The following OXR1 variants were observed in gnomAD, a reference collection of about 807,000 sequenced individuals.
OXR1 encodes oxidation resistance protein 1.
Under a neutral mutation model 104.6 loss-of-function variants are expected in OXR1, and 41 were observed. That is an observed-to-expected ratio of 0.39 (90% CI 0.31 to 0.51). OXR1 has a LOEUF of 0.51. OXR1 is among the 20% of genes least tolerant of loss of function. The pLI is 0.77. For missense variants in OXR1, 955 were observed against 1,031.9 expected, an observed-to-expected ratio of 0.93 and a Z score of 1.02; for synonymous variants, 348 against 348.4, an observed-to-expected ratio of 1.00 and a Z score of 0.01.
intron 3 of OXR1, among the ~76,000 whole-genome samples, chr8:106,594,074 A>G (rs1182433009): frequency 2.0e-5 from 3 of 152,202 alleles, no homozygotes; most frequent in African/African-American, 7.2e-5. Context: ...CTATGATACC[A>G]TGGTTTAGAA....
At chr8:106,593,492 G>T (rs1176217542) in intron 3 of OXR1, among the ~76,000 whole-genome samples, 1 of 152,138 alleles carries the variant, frequency 6.6e-6, no homozygotes, top group Non-Finnish European at 1.5e-5. Context: ...AATTGATTCT[G>T]ATTTGGCCAG....
chr8:106,301,653 T>TACCTGTCTGATAAATACCTGTCTG (rs1361894817), intron 1 of OXR1, among the ~76,000 whole-genome samples: 3 of 152,202 alleles, frequency 2.0e-5, no homozygotes, highest in Non-Finnish European at 4.4e-5. Context: ...ATCTGATAAA[T>TACCTGTCTGATAAATACCTGTCTG]ATATAGTACC....
At chr8:106,320,192 T>C (rs530926689) in intron 1 of OXR1, among the ~76,000 whole-genome samples, 1 of 152,294 alleles carries the variant, frequency 6.6e-6, no homozygotes, top group South Asian at 2.1e-4. Context: ...AGCCCCTCAT[T>C]CTGAAGTGCC....
chr8:106,690,048 T>C (rs556429087), intron 6 of OXR1, among the ~76,000 whole-genome samples: 1 of 151,038 alleles, frequency 6.6e-6, no homozygotes, highest in Non-Finnish European at 1.5e-5. Flanking sequence ...GACACTAATA[T>C]CTATCATATA....
intron 3 of OXR1, among the ~76,000 whole-genome samples, chr8:106,654,669 C>T (rs1025598218): frequency 1.3e-5 from 2 of 152,098 alleles, no homozygotes; most frequent in Admixed American, 6.5e-5. Context: ...AGTTAATCTT[C>T]GAACTTTGGA....
rs552014446 is a variant in OXR1, at chr8:106,296,548, A to C, written c.-139+26181A>C. Among the ~76,000 whole-genome samples, 68 of 152,182 alleles carry C rather than the reference A, an allele frequency of 4.5e-4. 1 individual carries two copies. Among genetic ancestry groups the C allele is most frequent in the African/African-American group, 1.5e-3 (63 of 41,518 alleles). On this transcript the variant is annotated intron_variant, in intron 1 of 16. Transcript: ENST00000517566. ...TAAGTTCTTGCCTATCACCTTCCTC[A>C]TTTCTTAGCACCACCTATAAAACCA... is the stretch of plus-strand genomic sequence containing the variant.
intron 2 of OXR1, among the ~76,000 whole-genome samples, chr8:106,466,360 G>A (rs1483732601): frequency 6.6e-6 from 1 of 151,560 alleles, no homozygotes; most frequent in African/African-American, 2.4e-5. Flanking sequence ...TTTTTTGTGG[G>A]GAGAGTGTGG....
intron 1 of OXR1, among the ~76,000 whole-genome samples, chr8:106,342,355 A>C (rs191982933): frequency 6.6e-6 from 1 of 151,530 alleles, no homozygotes; most frequent in East Asian, 2.0e-4. Context: ...GGTTCAAGCA[A>C]TTATCCTGCC....
At chr8:106,682,926 T>C (rs1828322095) in intron 4 of OXR1, among the ~76,000 whole-genome samples, 1 of 152,146 alleles carries the variant, frequency 6.6e-6, no homozygotes, top group African/African-American at 2.4e-5. Context: ...ATAATCAGTT[T>C]TTGACTTTTA....
chr8:106,738,634 A>G (rs1834618295), intron 12 of OXR1, among the ~76,000 whole-genome samples: 1 of 151,044 alleles, frequency 6.6e-6, no homozygotes, highest in South Asian at 2.1e-4. Context: ...TGTTTTATAT[A>G]TTAAAATAAA....
intron 3 of OXR1, among the ~76,000 whole-genome samples, chr8:106,601,379 C>G (rs1819957627): frequency 6.6e-6 from 1 of 152,128 alleles, no homozygotes; most frequent in African/African-American, 2.4e-5. Context: ...AGTTTGGAAG[C>G]TGGAAAGCCC....
chr8:106,483,684 T>C (rs1822274292), intron 2 of OXR1, among the ~76,000 whole-genome samples: 1 of 152,104 alleles, frequency 6.6e-6, no homozygotes, highest in South Asian at 2.1e-4. Flanking sequence ...TCTTAATGTA[T>C]TAGTCTTATG....
chr8:106,457,385 G>T (rs1037014504), intron 2 of OXR1, among the ~76,000 whole-genome samples: 2 of 152,186 alleles, frequency 1.3e-5, no homozygotes, highest in East Asian at 3.9e-4. Context: ...CTAGTCTCCA[G>T]AACTTTGAGA....
At chr8:106,394,304 T>TA (rs571838717) in intron 2 of OXR1, among the ~76,000 whole-genome samples, 314 of 134,902 alleles carry the variant, frequency 2.3e-3, no homozygotes, top group Admixed American at 4.0e-3. Flanking sequence ...GTTAGAATGG[T>TA]AAAAAAAAAA....
intron 3 of OXR1, among the ~76,000 whole-genome samples, chr8:106,622,209 T>C (rs1821760200): frequency 6.6e-6 from 1 of 151,994 alleles, no homozygotes; most frequent in Non-Finnish European, 1.5e-5. Context: ...CCAGAATCTG[T>C]CCAGTCCTTA....
At chr8:106,669,358 T>G (rs1018572993) in intron 3 of OXR1, among the ~76,000 whole-genome samples, 1 of 152,172 alleles carries the variant, frequency 6.6e-6, no homozygotes. Flanking sequence ...CTTTCAAAAA[T>G]TCAACTGAAA....
At chr8:106,297,798 C>A (rs1256505308) in intron 1 of OXR1, among the ~76,000 whole-genome samples, 1 of 152,256 alleles carries the variant, frequency 6.6e-6, no homozygotes, top group Non-Finnish European at 1.5e-5. Context: ...TGTTTTCAAA[C>A]ATGCACAACT....
At chr8:106,548,503 T>C (rs969055694) in intron 3 of OXR1, among the ~76,000 whole-genome samples, 1 of 152,318 alleles carries the variant, frequency 6.6e-6, no homozygotes, top group Middle Eastern at 3.4e-3. Context: ...TATAAGGCTA[T>C]AGAGGCAACA....
chr8:106,490,120 T>A (rs1038658061), intron 2 of OXR1, among the ~76,000 whole-genome samples: 1 of 152,154 alleles, frequency 6.6e-6, no homozygotes, highest in African/African-American at 2.4e-5. Context: ...AGGAATACCT[T>A]TCCCCTTCAC....
Sources: allele counts gnomAD v4.1 joint callset (sites outside exome capture counted in the v4.1 genomes callset), GRCh38; gene constraint gnomAD v4.1.1; transcripts MANE v1.5; gene names NCBI Gene and HGNC (gene_info 2026-07-23, HGNC 2026-07-21).